IQSEC2: variants seen among roughly 807,000 people sequenced by gnomAD.
IQSEC2 encodes the protein IQ motif and SEC7 domain-containing protein 2.
Under a neutral mutation model 74.6 loss-of-function variants are expected in IQSEC2, and 6 were observed. The observed-to-expected ratio is 0.08, with a 90% CI of 0.04 to 0.16. The LOEUF is 0.16. Ranked by LOEUF, IQSEC2 falls within the 10% of genes least tolerant of loss-of-function variation. The pLI, the probability that IQSEC2 is intolerant of heterozygous loss-of-function variation, is 1.00. For missense variants in IQSEC2, 734 were observed against 1,306.2 expected (o/e 0.56, Z 6.75); for synonymous variants, 494 against 544.5 (o/e 0.91, Z 1.29).
intron 1 of IQSEC2, among the ~76,000 whole-genome samples, chrX:53,315,561 A>G (rs1556878896): frequency 4.5e-5 from 5 of 111,678 alleles, no homozygotes; most frequent in Non-Finnish European, 9.4e-5. Context: ...TGGGTATGCT[A>G]TCCAACCTTT....
At chrX:53,301,144 G>T (rs1812253281) in intron 1 of IQSEC2, among the ~76,000 whole-genome samples, 1 of 112,150 alleles carries the variant, frequency 8.9e-6, no homozygotes, top group African/African-American at 3.2e-5. Flanking sequence ...TGGTTAAGTA[G>T]CCTGAGAGTA....
chrX:53,248,079 G>A, intron 7 of IQSEC2, 35 bp downstream of exon 7: 1 of 1,206,938 alleles, frequency 8.3e-7, no homozygotes, highest in Non-Finnish European at 1.1e-6. Context: ...CCCACAGGAG[G>A]GAGGGGCAGC....
At chrX:53,311,733 T>C (rs1380651395) in intron 1 of IQSEC2, among the ~76,000 whole-genome samples, 1 of 111,424 alleles carries the variant, frequency 9.0e-6, no homozygotes, top group African/African-American at 3.3e-5. Flanking sequence ...CTGGCCAATA[T>C]GGCAAAACCC....
chrX:53,232,320 C>A (rs1033073439), downstream of IQSEC2, among the ~76,000 whole-genome samples: 1 of 111,768 alleles, frequency 8.9e-6, no homozygotes, highest in Non-Finnish European at 1.9e-5. Flanking sequence ...CCTGTGCCTT[C>A]CAAATCACTC....
chrX:53,239,129 G>A, intron 11 of IQSEC2, 66 bp downstream of exon 11: 1 of 849,233 alleles, frequency 1.2e-6, no homozygotes. Context: ...AGCTGGTATA[G>A]ATGACGGGTG....
intron 4 of IQSEC2, among the ~76,000 whole-genome samples, chrX:53,252,340 C>T (rs1291582789): frequency 6.6e-5 from 7 of 105,337 alleles, no homozygotes; most frequent in South Asian, 8.5e-4. Flanking sequence ...AGATTACAGG[C>T]ATGAGCTACC....
rs1405956963 is a variant in IQSEC2, at chrX:53,297,005, A to ATTT, written c.708-5084_708-5082dup. On this transcript the variant is annotated intron_variant, in intron 1 of 14. Transcript: ENST00000642864. ...GGTTAAATCAACATTGGTGGTCTAC[A>ATTT]TTTTTTTTTTTTTGAGATAAGGTCT... Among the ~76,000 whole-genome samples, 306 of 100,226 alleles carry ATTT rather than the reference A, an allele frequency of 3.1e-3. 2 individuals are homozygous for ATTT. The highest frequency in any genetic ancestry group is 1.0e-2 in the African/African-American group (275 of 27,583). The allele number at this position is 100,226 out of a possible 115,157, so 87.0% of individuals were successfully genotyped here.
intron 2 of IQSEC2, among the ~76,000 whole-genome samples, chrX:53,262,964 C>G (rs961811582): frequency 5.3e-5 from 6 of 112,441 alleles, no homozygotes; most frequent in Non-Finnish European, 1.1e-4. Flanking sequence ...AGTAACCTGC[C>G]CAAAGCCTTG....
At chrX:53,266,753 T>G in intron 2 of IQSEC2, 2 of 968,184 alleles carry the variant, frequency 2.1e-6, no homozygotes, top group Non-Finnish European at 1.3e-6. Context: ...CCAGCTCTCT[T>G]TAATTCAGGG....
rs1278144879 is a variant in IQSEC2 at position 53,277,336 on chromosome X, C to T, written c.737+14559G>A. ...AAGCGATTCTCCTGCCTCAGCCTCC[C>T]GAGTAGGTGGGATTACAGGCGCCTG... On this transcript the variant is annotated intron_variant, in intron 2 of 14. Transcript: ENST00000642864. Among the ~76,000 whole-genome samples, 3 of 110,215 alleles carry T rather than the reference C, an allele frequency of 2.7e-5. No homozygotes were observed. In the South Asian group the frequency reaches 1.2e-3, roughly 43 times the overall value.
At chrX:53,228,306 G>A (rs1175402193), downstream of IQSEC2, among the ~76,000 whole-genome samples, 1 of 112,003 alleles carries the variant, frequency 8.9e-6, no homozygotes, top group South Asian at 3.7e-4. Context: ...TCTGACTGCC[G>A]TACAATTCTG....
chrX:53,282,910 T>C (rs1373975558), intron 2 of IQSEC2, among the ~76,000 whole-genome samples: 1 of 111,552 alleles, frequency 9.0e-6, no homozygotes, highest in East Asian at 2.8e-4. Flanking sequence ...TTAAGTGTAG[T>C]GCTGGGCCGG....
intron 12 of IQSEC2, 143 bp downstream of exon 12, chrX:53,238,002 A>T: frequency 1.5e-6 from 1 of 665,989 alleles, no homozygotes; most frequent in Non-Finnish European, 2.4e-6. Context: ...GTATTCAAGC[A>T]GAGGCTGAAG....
chrX:53,288,957 C>G (rs781793867), intron 2 of IQSEC2, among the ~76,000 whole-genome samples: 249 of 110,194 alleles, frequency 2.3e-3, no homozygotes, highest in African/African-American at 8.0e-3. Flanking sequence ...CTGCCCATGC[C>G]TACCCCCCAC....
chrX:53,304,427 C>G (rs2075240897), intron 1 of IQSEC2, among the ~76,000 whole-genome samples: 1 of 111,638 alleles, frequency 9.0e-6, no homozygotes, highest in Non-Finnish European at 1.9e-5. Context: ...TGCTGGCTAT[C>G]CTTTTGCTGG....
chrX:53,239,351 G>A, intron 10 of IQSEC2, 57 bp from the exon 11 acceptor site: 1 of 727,127 alleles, frequency 1.4e-6, no homozygotes, highest in Non-Finnish European at 2.1e-6. Flanking sequence ...GGATTTCCAC[G>A]TGGCACCTAT....
chrX:53,269,502 C>G (rs1353977757), intron 2 of IQSEC2, among the ~76,000 whole-genome samples: 2 of 110,898 alleles, frequency 1.8e-5, no homozygotes, highest in Non-Finnish European at 3.8e-5. Context: ...AACCTCTCCC[C>G]CTCTGTTGCC....
At chrX:53,298,124 C>T (rs1275415635) in intron 1 of IQSEC2, among the ~76,000 whole-genome samples, 2 of 107,296 alleles carry the variant, frequency 1.9e-5, no homozygotes, top group African/African-American at 6.8e-5. Flanking sequence ...AGCGAGACTC[C>T]GTCTCAAAAA....
At chrX:53,279,756 G>A in intron 2 of IQSEC2, 4 of 537,038 alleles carry the variant, frequency 7.4e-6, no homozygotes, top group Non-Finnish European at 3.3e-6. Flanking sequence ...GAGAGTGAGT[G>A]CGGGAGGGGA....
Sources: allele counts gnomAD v4.1 joint callset (sites outside exome capture counted in the v4.1 genomes callset), GRCh38; gene constraint gnomAD v4.1.1; transcripts MANE v1.5; gene names NCBI Gene and HGNC (gene_info 2026-07-23, HGNC 2026-07-21).